Variants in ENTREP2 observed in about 807,000 individuals in gnomAD.
The protein encoded by ENTREP2 is protein ENTREP2.
chr15:29,201,558 G>A, the ENTREP2 span, among the ~76,000 whole-genome samples: 2 of 152,158 alleles, frequency 1.3e-5, no homozygotes, highest in Non-Finnish European at 2.9e-5. Context: ...TTAGCCTGTT[G>A]ATATGATAGA....
At chr15:29,570,719 G>A in the ENTREP2 span, 2 of 1,033,078 alleles carry the variant, frequency 1.9e-6, no homozygotes, top group African/African-American at 3.5e-5. Context: ...GCCGGCCGGA[G>A]GCATCGCGCC....
chr15:29,226,036 C>A, the ENTREP2 span, among the ~76,000 whole-genome samples: 14 of 152,222 alleles, frequency 9.2e-5, no homozygotes, highest in Non-Finnish European at 1.9e-4. Flanking sequence ...GGAGCCCGAG[C>A]TGCTCACCAG....
At chr15:29,590,683 CA>C in the ENTREP2 span, among the ~76,000 whole-genome samples, 90 of 75,322 alleles carry the variant, frequency 1.2e-3, no homozygotes, top group African/African-American at 1.6e-3. Flanking sequence ...GACTCCGTCT[CA>C]AAAAAAAAAA....
the ENTREP2 span, among the ~76,000 whole-genome samples, chr15:29,598,923 C>G: frequency 6.6e-6 from 1 of 152,166 alleles, no homozygotes; most frequent in South Asian, 2.1e-4. Flanking sequence ...GTCTCGGTCT[C>G]CTGACCTCGT....
the ENTREP2 span, among the ~76,000 whole-genome samples, chr15:29,429,080 T>TATCC: frequency 8.7e-4 from 132 of 152,332 alleles, no homozygotes; most frequent in African/African-American, 1.4e-3. Context: ...CCTATCTGTC[T>TATCC]ATCCATCCAT....
chr15:29,618,161 C>T, the ENTREP2 span, among the ~76,000 whole-genome samples: 40 of 152,250 alleles, frequency 2.6e-4, no homozygotes, highest in East Asian at 1.9e-3. Flanking sequence ...TGGTAGCTCA[C>T]GCCTGTAATT....
chr15:29,334,177 A>G, the ENTREP2 span, among the ~76,000 whole-genome samples: 1 of 152,172 alleles, frequency 6.6e-6, no homozygotes, highest in African/African-American at 2.4e-5. Flanking sequence ...TGTAATGTGA[A>G]CTTCAGTTTT....
chr15:29,622,268 T>C, the ENTREP2 span, among the ~76,000 whole-genome samples: 237 of 152,296 alleles, frequency 1.6e-3, no homozygotes, highest in African/African-American at 5.5e-3. Context: ...GGCAATGGCA[T>C]GATCTCGGCT....
chr15:29,219,881 G>C, the ENTREP2 span, among the ~76,000 whole-genome samples: 2 of 151,762 alleles, frequency 1.3e-5, no homozygotes, highest in Admixed American at 1.3e-4. Flanking sequence ...TAGGAAGGGG[G>C]TGAGGGATAA....
chr15:29,149,714 C>T, the ENTREP2 span, among the ~76,000 whole-genome samples: 3 of 152,198 alleles, frequency 2.0e-5, no homozygotes, highest in African/African-American at 7.2e-5. Flanking sequence ...CCATGGCCAC[C>T]CTCTGAATCC....
chr15:29,637,696 C>A, the ENTREP2 span, among the ~76,000 whole-genome samples: 1 of 152,154 alleles, frequency 6.6e-6, no homozygotes, highest in Admixed American at 6.5e-5. Context: ...TCCAGGGTTC[C>A]TCAGGTGGGC....
At chr15:29,120,224 T>TG in the ENTREP2 span, 1 of 152,400 alleles carries the variant, frequency 6.6e-6, no homozygotes, top group South Asian at 2.1e-4. Context: ...AGCCTGCCTC[T>TG]GTCCCAGTTA....
At chr15:29,415,044 T>A in the ENTREP2 span, among the ~76,000 whole-genome samples, 2 of 152,144 alleles carry the variant, frequency 1.3e-5, no homozygotes, top group Admixed American at 1.3e-4. Flanking sequence ...CAGGACCAGA[T>A]GGATTCACAG....
chr15:29,634,882 C>G, the ENTREP2 span, among the ~76,000 whole-genome samples: 10 of 152,168 alleles, frequency 6.6e-5, no homozygotes, highest in Admixed American at 2.0e-4. Flanking sequence ...GAAGAGGGAG[C>G]ACGAAGCTTC....
chr15:29,222,369 G>A, the ENTREP2 span, among the ~76,000 whole-genome samples: 12 of 152,238 alleles, frequency 7.9e-5, no homozygotes, highest in South Asian at 2.3e-3. Context: ...CCATGAAAAT[G>A]GGCAACCAGC....
chr15:29,243,619 C>T, the ENTREP2 span, among the ~76,000 whole-genome samples: 1 of 152,128 alleles, frequency 6.6e-6, no homozygotes, highest in Non-Finnish European at 1.5e-5. Flanking sequence ...TCCCCATTTC[C>T]TCCCGAGACC....
the ENTREP2 span, among the ~76,000 whole-genome samples, chr15:29,443,683 G>A: frequency 6.6e-6 from 1 of 152,022 alleles, no homozygotes; most frequent in African/African-American, 2.4e-5. Flanking sequence ...CTGCGGCCTG[G>A]GCTTTTCTCC....
chr15:29,173,622 G>T, the ENTREP2 span, among the ~76,000 whole-genome samples: 2 of 152,146 alleles, frequency 1.3e-5, no homozygotes, highest in African/African-American at 4.8e-5. Context: ...CTCATTACTG[G>T]AAGGTTCTGA....
the ENTREP2 span, among the ~76,000 whole-genome samples, chr15:29,638,259 C>T: frequency 6.6e-6 from 1 of 152,240 alleles, no homozygotes; most frequent in East Asian, 1.9e-4. Context: ...AGGGCTTCTC[C>T]ACCTCGGCAC....
Sources: allele counts gnomAD v4.1 joint callset (sites outside exome capture counted in the v4.1 genomes callset), GRCh38; gene constraint gnomAD v4.1.1; transcripts MANE v1.5; gene names NCBI Gene and HGNC (gene_info 2026-07-23, HGNC 2026-07-21).